RTF1: variants seen among roughly 807,000 people sequenced by gnomAD.
RTF1 encodes the protein RTF1 homolog, Paf1/RNA polymerase II complex component.
RTF1 carries 10 observed loss-of-function variants against 95.7 expected under a neutral mutation model. The observed-to-expected ratio is 0.10, with a 90% confidence interval of 0.06 to 0.18. The LOEUF (loss-of-function observed/expected upper bound fraction) is 0.18. Among genes scored for constraint, RTF1 ranks in the 10% least tolerant of loss-of-function variants. The pLI is 1.00. For synonymous variants in RTF1, 305 were observed against 311.8 expected (o/e 0.98, Z 0.23); for missense variants, 458 against 875.6 (o/e 0.52, Z 6.02).
At chr15:41,476,416 C>T (rs1478196261) in intron 11 of RTF1, 30 bp from the exon 12 acceptor site, 1 of 1,594,052 alleles carries the variant, frequency 6.3e-7, no homozygotes, top group Non-Finnish European at 8.6e-7. Flanking sequence ...TTAGGAATAC[C>T]TCACTGCTGG....
chr15:41,449,924 C>T (rs751767829), intron 2 of RTF1, among the ~76,000 whole-genome samples: 25 of 151,988 alleles, frequency 1.6e-4, no homozygotes, highest in Non-Finnish European at 2.8e-4. Flanking sequence ...AGGCTGGGCG[C>T]AGTGGTTCAT....
chr15:41,474,735 C>G (rs1185376269), intron 9 of RTF1, 33 bp downstream of exon 9: 1 of 1,481,628 alleles, frequency 6.7e-7, no homozygotes, highest in Non-Finnish European at 9.4e-7. Flanking sequence ...CTTCTGCTTC[C>G]ACTTCAAACA....
At chr15:41,464,325 A>G (rs1490288166) in intron 4 of RTF1, among the ~76,000 whole-genome samples, 2 of 146,296 alleles carry the variant, frequency 1.4e-5, no homozygotes, top group East Asian at 2.0e-4. Flanking sequence ...ATCTTGGCTC[A>G]TTGCAACCTC....
At chr15:41,459,511 T>C (rs1193398726) in intron 4 of RTF1, among the ~76,000 whole-genome samples, 2 of 152,236 alleles carry the variant, frequency 1.3e-5, no homozygotes, top group Non-Finnish European at 1.5e-5. Flanking sequence ...ACAGTAATGA[T>C]TGAGAGTAAT....
chr15:41,474,403 T>G (rs1486144224), intron 8 of RTF1, among the ~76,000 whole-genome samples: 4 of 152,222 alleles, frequency 2.6e-5, no homozygotes, highest in Non-Finnish European at 5.9e-5. Flanking sequence ...CGGGCTCCTC[T>G]TCTGCTGGCA....
At chr15:41,436,539 G>T (rs1387184761) in intron 1 of RTF1, among the ~76,000 whole-genome samples, 1 of 150,918 alleles carries the variant, frequency 6.6e-6, no homozygotes, top group African/African-American at 2.4e-5. Flanking sequence ...CAGTAGAATG[G>T]TATGAACCCG....
intron 8 of RTF1, among the ~76,000 whole-genome samples, chr15:41,471,935 G>A (rs182732849): frequency 3.3e-5 from 5 of 152,084 alleles, no homozygotes. Context: ...GTCTCATTCT[G>A]TCACCCAGGC....
rs1272964502 is a variant in RTF1 at position 41,480,935 on chromosome 15, C to T, written c.*248C>T. 3.9e-6 allele frequency: 2 copies of T among 507,544 alleles called. No individual in the cohort carries two copies. Among genetic ancestry groups the T allele is most frequent in the Non-Finnish European group, 7.1e-6 (2 of 281,176 alleles). The allele number at this position is 507,544 out of a possible 1,614,324, so 31.4% of individuals were successfully genotyped here. On this transcript the variant is annotated 3_prime_UTR_variant, in exon 18 of 18. Transcript: ENST00000389629. ...GGCCTGGGCTCTCTTGGGCTTTATC[C>T]ATGTCTTTAGATTTGTGTTTGCCTT...
chr15:41,475,683 A>G (rs1425893689), intron 10 of RTF1, 29 bp from the exon 11 acceptor site: 9 of 1,599,070 alleles, frequency 5.6e-6, no homozygotes, highest in Non-Finnish European at 7.7e-6. Context: ...ATCCCTTACT[A>G]ATAATCTCGT....
At chr15:41,433,033 A>T (rs1448121087) in intron 1 of RTF1, among the ~76,000 whole-genome samples, 1 of 151,968 alleles carries the variant, frequency 6.6e-6, no homozygotes, top group Non-Finnish European at 1.5e-5. Context: ...TGGGCAGATC[A>T]TCAGGAGTTC....
intron 10 of RTF1, 32 bp from the exon 11 acceptor site, chr15:41,475,676 CCTTA>C (rs763755502): frequency 3.8e-6 from 6 of 1,599,590 alleles, no homozygotes; most frequent in Admixed American, 3.3e-5. Flanking sequence ...TTCCAAAATC[CCTTA>C]CTAATAATCT....
intron 4 of RTF1, among the ~76,000 whole-genome samples, chr15:41,460,222 A>C (rs2050840787): frequency 6.6e-6 from 1 of 150,768 alleles, no homozygotes; most frequent in South Asian, 2.1e-4. Flanking sequence ...TCCTGGGTTC[A>C]AGTGATTCTC....
At position 41,469,474 on chromosome 15, in the gene RTF1, G is replaced by A. The variant is rs143355570; in HGVS notation, c.890-783G>A. On this transcript the variant is annotated intron_variant, in intron 6 of 17. Transcript: ENST00000389629. Reference sequence around the variant, plus strand: ...TGAGCTCAAGTGATCTACCCACCTCGACCTCCCAAAGTGCTGGGATTACAG... The same window carrying A: ...TGAGCTCAAGTGATCTACCCACCTCAACCTCCCAAAGTGCTGGGATTACAG... Among the ~76,000 whole-genome samples the A allele has an allele frequency of 1.2e-3, 183 of 149,522 alleles. 1 individual carries two copies. The highest frequency in any genetic ancestry group is 3.5e-3 in the Middle Eastern group (1 of 288).
intron 14 of RTF1, 163 bp from the exon 15 acceptor site, chr15:41,478,385 G>A: frequency 1.6e-6 from 1 of 621,624 alleles, no homozygotes; most frequent in Non-Finnish European, 2.8e-6. Context: ...TAGGCGACAG[G>A]GCGAGACTCC....
At chr15:41,440,963 C>G (rs978574617) in intron 2 of RTF1, among the ~76,000 whole-genome samples, 1 of 148,608 alleles carries the variant, frequency 6.7e-6, no homozygotes, top group Non-Finnish European at 1.5e-5. Context: ...TCCCACTAGT[C>G]CCCTCTTTTT....
At position 41,464,884 on chromosome 15, in the gene RTF1, A is replaced by C; in HGVS notation, c.776A>C (p.Gln259Pro). The change falls in exon 5 of 18, where the codon CAG (glutamine) becomes CCG (proline). Residue 259 changes from glutamine to proline, a missense_variant and splice_region_variant. By Grantham distance (76) the Gln-to-Pro change is moderately conservative (BLOSUM62 -1). This residue lies in a region of RTF1 where 39 missense variants were observed against 43.8 expected (regional missense o/e 0.89). Coordinates refer to ENST00000389629, the MANE Select transcript of RTF1 (RefSeq NM_015138.5). ...AAACTGACACAGATTCAAGAATCTC[A>C]GGTAGGAGATTCAGTGTTCCTCATT... Reference protein sequence around the residue: ...KKKLTQIQESQVTSHNKERRS... With the variant: ...KKKLTQIQESPVTSHNKERRS... 1 of 1,525,446 alleles carries C rather than the reference A, an allele frequency of 6.6e-7. No homozygotes were observed. The highest frequency in any genetic ancestry group is 8.8e-7 in the Non-Finnish European group (1 of 1,140,400). The allele number at this position is 1,525,446 out of a possible 1,614,324, so 94.5% of individuals were successfully genotyped here. A position where few individuals can be genotyped will look rare whatever the true frequency, so the allele number is the denominator to read the frequency against.
chr15:41,419,232 A>C (rs2050588504), intron 1 of RTF1, among the ~76,000 whole-genome samples: 1 of 152,226 alleles, frequency 6.6e-6, no homozygotes, highest in African/African-American at 2.4e-5. Context: ...TTCATCTACA[A>C]ATGTGAATGT....
At position 41,470,339 on chromosome 15, in the gene RTF1, C is replaced by T; in HGVS notation, c.972C>T (p.Ser324=). 1 of 1,614,086 alleles carries T rather than the reference C, an allele frequency of 6.2e-7. No homozygotes were observed. The highest frequency in any genetic ancestry group is 8.5e-7 in the Non-Finnish European group (1 of 1,180,004). Residue 324 remains serine (S), a synonymous_variant, in exon 7 of 18, where the codon TCC becomes TCT. Coordinates refer to ENST00000389629, the MANE Select transcript of RTF1 (RefSeq NM_015138.5). The part of the protein sequence containing the change: ...DDEEEEEDDK[S]SEKSDRSSRT... Reference sequence around the variant, plus strand: ...AAGAGGAGGAAGAGGATGACAAATCCAGTGAAAAGTCAGACCGCTCATCAC... The same window carrying T: ...AAGAGGAGGAAGAGGATGACAAATCTAGTGAAAAGTCAGACCGCTCATCAC...
intron 2 of RTF1, among the ~76,000 whole-genome samples, chr15:41,449,661 C>A (rs1382967744): frequency 6.6e-6 from 1 of 150,910 alleles, no homozygotes; most frequent in Non-Finnish European, 1.5e-5. Context: ...TTTTTTTTTC[C>A]CCAACTTTAC....
Sources: allele counts gnomAD v4.1 joint callset (sites outside exome capture counted in the v4.1 genomes callset), GRCh38; gene constraint gnomAD v4.1.1; regional missense constraint gnomAD v4.1.1; transcripts MANE v1.5; gene names NCBI Gene and HGNC (gene_info 2026-07-23, HGNC 2026-07-21).